PRELID2: variants seen among roughly 807,000 people sequenced by gnomAD.
PRELID2 encodes PRELI domain containing 2, also known as PRELI domain-containing protein 2.
Under a neutral mutation model 28.4 loss-of-function variants are expected in PRELID2, and 25 were observed. That is an observed-to-expected ratio of 0.88 (90% CI 0.64 to 1.23). The LOEUF (loss-of-function observed/expected upper bound fraction) is 1.23, where lower values mean the gene tolerates loss of function less well. PRELID2 is among the 50% of genes most tolerant of loss of function. The pLI, the probability that PRELID2 is intolerant of heterozygous loss-of-function variation, is 0.00. For missense variants in PRELID2, 201 were observed against 214.4 expected, an observed-to-expected ratio of 0.94 and a Z score of 0.39; for synonymous variants, 76 against 71.6, an observed-to-expected ratio of 1.06 and a Z score of -0.31.
chr5:145,614,297 T>C (rs1040380767), intron 1 of PRELID2, among the ~76,000 whole-genome samples: 3 of 152,226 alleles, frequency 2.0e-5, no homozygotes, highest in African/African-American at 7.2e-5. Flanking sequence ...GCTTTGGCTA[T>C]GCGGACTCCT....
intron 1 of PRELID2, among the ~76,000 whole-genome samples, chr5:145,670,390 C>T (rs1754682637): frequency 6.6e-6 from 1 of 152,132 alleles, no homozygotes; most frequent in African/African-American, 2.4e-5. Flanking sequence ...ACGACACAAA[C>T]ACCTCCCCAC....
At chr5:145,615,186 T>C (rs1446504052) in intron 1 of PRELID2, among the ~76,000 whole-genome samples, 1 of 152,340 alleles carries the variant, frequency 6.6e-6, no homozygotes, top group African/African-American at 2.4e-5. Flanking sequence ...TTAACTGCTA[T>C]TGCTTTAAAG....
At chr5:145,311,357 C>CT in the PRELID2 span, among the ~76,000 whole-genome samples, 1 of 152,056 alleles carries the variant, frequency 6.6e-6, no homozygotes, top group Admixed American at 6.6e-5. Flanking sequence ...CGAGAAGAGA[C>CT]TTTTTTTGGT....
the PRELID2 span, among the ~76,000 whole-genome samples, chr5:145,353,208 A>G: frequency 6.6e-6 from 1 of 152,196 alleles, no homozygotes; most frequent in African/African-American, 2.4e-5. Context: ...CTATAATCCC[A>G]GCATTTTGGG....
At chr5:145,397,872 G>A in the PRELID2 span, among the ~76,000 whole-genome samples, 1 of 152,160 alleles carries the variant, frequency 6.6e-6, no homozygotes, top group East Asian at 1.9e-4. Flanking sequence ...ACCACCAAAT[G>A]TAGTTGTGGC....
intron 1 of PRELID2, among the ~76,000 whole-genome samples, chr5:145,586,395 C>A (rs1001641909): frequency 7.9e-5 from 12 of 151,980 alleles, no homozygotes; most frequent in Non-Finnish European, 1.3e-4. Flanking sequence ...GTAATCCTAG[C>A]AATTTGGGAG....
intron 4 of PRELID2, among the ~76,000 whole-genome samples, chr5:145,813,743 C>T (rs9324995): frequency 0.022 from 3,357 of 151,708 alleles, 106 homozygotes; most frequent in African/African-American, 0.072. Context: ...ATAGAAAAGG[C>T]AGTGTTTTGG....
At chr5:145,335,460 G>T in the PRELID2 span, among the ~76,000 whole-genome samples, 1 of 151,792 alleles carries the variant, frequency 6.6e-6, no homozygotes, top group Non-Finnish European at 1.5e-5. Context: ...GTACTTCATA[G>T]ATCTCCATTT....
At chr5:145,250,846 G>A in the PRELID2 span, among the ~76,000 whole-genome samples, 1 of 152,118 alleles carries the variant, frequency 6.6e-6, no homozygotes, top group African/African-American at 2.4e-5. Flanking sequence ...GGGAGGTTAG[G>A]TTGTGGATAC....
intron 1 of PRELID2, among the ~76,000 whole-genome samples, chr5:145,491,234 C>T (rs917838231): frequency 6.6e-6 from 1 of 152,084 alleles, no homozygotes; most frequent in Non-Finnish European, 1.5e-5. Context: ...AAGGTGCAAA[C>T]AGATTTGGTG....
At chr5:145,687,289 G>A (rs941601335) in intron 1 of PRELID2, among the ~76,000 whole-genome samples, 2 of 152,112 alleles carry the variant, frequency 1.3e-5, no homozygotes, top group Non-Finnish European at 2.9e-5. Flanking sequence ...CAGGAAAGCC[G>A]GGTCCCAGTC....
At chr5:145,743,817 G>A (rs911053436) in intron 1 of PRELID2, among the ~76,000 whole-genome samples, 6 of 152,222 alleles carry the variant, frequency 3.9e-5, no homozygotes, top group Admixed American at 6.5e-5. Context: ...CCCAGGGGGA[G>A]GGACAACCAC....
At chr5:145,432,867 T>C in the PRELID2 span, among the ~76,000 whole-genome samples, 3 of 152,182 alleles carry the variant, frequency 2.0e-5, no homozygotes. Context: ...CCAAACTTTT[T>C]CTCTTTATTT....
chr5:145,316,346 T>C, the PRELID2 span, among the ~76,000 whole-genome samples: 2 of 152,200 alleles, frequency 1.3e-5, no homozygotes, highest in East Asian at 1.9e-4. Context: ...TTCTGACATA[T>C]GTATTTCTTG....
rs148219820 is a variant in PRELID2, at chr5:145,571,536, A to G, written n.71-98221T>C. Among the ~76,000 whole-genome samples the G allele has an allele frequency of 2.7e-3, 412 of 152,318 alleles. 2 individuals carry two copies. The highest frequency in any genetic ancestry group is 9.5e-3 in the African/African-American group (397 of 41,572). ...TTTTACCCTAATATATATTTCTTTG[A>G]CATATTTTCAAATGGTCCTGAAAAG... On this transcript the variant is annotated intron_variant and non_coding_transcript_variant, in intron 1 of 2. Coordinates refer to the PRELID2 transcript ENST00000510259.
chr5:145,237,386 C>G, the PRELID2 span, among the ~76,000 whole-genome samples: 8 of 151,994 alleles, frequency 5.3e-5, no homozygotes, highest in African/African-American at 1.9e-4. Flanking sequence ...GGTGGGATAG[C>G]TATATATGCC....
At chr5:145,362,543 T>C in the PRELID2 span, among the ~76,000 whole-genome samples, 1 of 152,132 alleles carries the variant, frequency 6.6e-6, no homozygotes, top group African/African-American at 2.4e-5. Context: ...CAGAACCTGG[T>C]ATATAATATG....
intron 1 of PRELID2, among the ~76,000 whole-genome samples, chr5:145,723,389 T>C (rs1163092180): frequency 1.3e-5 from 2 of 152,198 alleles, no homozygotes; most frequent in African/African-American, 2.4e-5. Flanking sequence ...TAGAGAGGTC[T>C]GTACAAAGGA....
chr5:145,403,641 G>T, the PRELID2 span, among the ~76,000 whole-genome samples: 4 of 152,174 alleles, frequency 2.6e-5, no homozygotes, highest in African/African-American at 9.7e-5. Flanking sequence ...TATGTACCAG[G>T]AGCTATACTA....
Sources: allele counts gnomAD v4.1 joint callset (sites outside exome capture counted in the v4.1 genomes callset), GRCh38; gene constraint gnomAD v4.1.1; transcripts MANE v1.5; gene names NCBI Gene and HGNC (gene_info 2026-07-23, HGNC 2026-07-21).